SMAD2: variants seen among roughly 807,000 people sequenced by gnomAD.
The protein encoded by SMAD2 is SMAD family member 2.
Under a neutral mutation model 64.4 loss-of-function variants are expected in SMAD2, and 8 were observed. The observed-to-expected ratio is 0.12, with a 90% CI of 0.07 to 0.22. The LOEUF is 0.22. Ranked by LOEUF, SMAD2 falls within the 10% of genes least tolerant of loss-of-function variation. SMAD2 has a pLI of 1.00. For missense variants in SMAD2, 289 were observed against 561.2 expected (o/e 0.51, Z 4.90); for synonymous variants, 203 against 195.8 (o/e 1.04, Z -0.31).
Position 47,832,925 on chromosome 18 carries a change from C to A in SMAD2, c.*8902G>T, listed in dbSNP as rs1913062876. 6.3e-6 allele frequency: 1 copy of A among 159,014 alleles called. No individual in the cohort carries two copies. Among genetic ancestry groups the A allele is most frequent in the African/African-American group, 2.4e-5 (1 of 41,190 alleles). 9.9% of individuals were successfully genotyped at this position (159,014 alleles called of 1,614,324 possible). ...GATAGGATAATCTTTTATGTAACAC[C>A]AAATTAAAAAAACAAAAACATGTAC... On this transcript the variant is annotated 3_prime_UTR_variant, in exon 11 of 11. Transcript: ENST00000262160.
At position 47,834,823 on chromosome 18, in the gene SMAD2, CTTTT is replaced by C. The variant is rs1913260378; in HGVS notation, c.*7000_*7003del. On this transcript the variant is annotated 3_prime_UTR_variant, in exon 11 of 11. Coordinates refer to ENST00000262160, the MANE Select transcript of SMAD2 (RefSeq NM_005901.6). ...TTGCAATTAATCCAGTTTTGTATGT[CTTTT>C]CTTTCTTTTTTAGGTGAAAATATTC... 2 of 217,986 alleles carry C rather than the reference CTTTT, an allele frequency of 9.2e-6. No individual in the cohort carries two copies. Among genetic ancestry groups the C allele is most frequent in the South Asian group, 1.9e-4 (1 of 5,404 alleles). 13.5% of individuals were successfully genotyped at this position (217,986 alleles called of 1,614,324 possible).
At chr18:47,860,931 G>A (rs2031128176) in intron 6 of SMAD2, among the ~76,000 whole-genome samples, 1 of 152,158 alleles carries the variant, frequency 6.6e-6, no homozygotes, top group African/African-American at 2.4e-5. Context: ...CATACTTAAA[G>A]GGGGAATTGT....
intron 1 of SMAD2, among the ~76,000 whole-genome samples, chr18:47,899,598 T>C (rs550073860): frequency 7.3e-4 from 111 of 152,280 alleles, no homozygotes; most frequent in Non-Finnish European, 1.1e-3. Context: ...TGTCAATGCA[T>C]TGTGTTGCAC....
At chr18:47,842,668 A>G (rs1231481083) in intron 10 of SMAD2, among the ~76,000 whole-genome samples, 1 of 152,220 alleles carries the variant, frequency 6.6e-6, no homozygotes, top group East Asian at 1.9e-4. Flanking sequence ...AATATCAAAC[A>G]GAATCTAAGT....
intron 1 of SMAD2, among the ~76,000 whole-genome samples, chr18:47,903,115 G>A (rs1457521450): frequency 6.6e-6 from 1 of 152,094 alleles, no homozygotes; most frequent in Non-Finnish European, 1.5e-5. Flanking sequence ...GGGGATGGGG[G>A]GAGGGACAGG....
chr18:47,873,600 G>A (rs908190736), intron 2 of SMAD2, among the ~76,000 whole-genome samples: 26 of 152,114 alleles, frequency 1.7e-4, no homozygotes, highest in African/African-American at 6.3e-4. Context: ...AAAACAGAAT[G>A]GAGGTTCTAA....
chr18:47,881,953 C>T (rs1317661280), intron 2 of SMAD2, among the ~76,000 whole-genome samples: 3 of 150,944 alleles, frequency 2.0e-5, no homozygotes, highest in Non-Finnish European at 4.4e-5. Flanking sequence ...TCACTGCTCA[C>T]TGCAGGTTCA....
chr18:47,901,785 A>C (rs2033695639), intron 1 of SMAD2, among the ~76,000 whole-genome samples: 1 of 152,166 alleles, frequency 6.6e-6, no homozygotes, highest in Non-Finnish European at 1.5e-5. Context: ...AAAAGCTAGC[A>C]GATCGTTATC....
rs1913962665 is a variant in SMAD2, at chr18:47,841,634, T to C, written c.*193A>G. The C allele has an allele frequency of 3.2e-6, 2 of 630,264 alleles. No individual in the cohort carries two copies. The highest frequency in any genetic ancestry group is 1.8e-5 in the African/African-American group (1 of 54,806). The allele number at this position is 630,264 out of a possible 1,614,324, so 39.0% of individuals were successfully genotyped here. On this transcript the variant is annotated 3_prime_UTR_variant, in exon 11 of 11. Transcript: ENST00000262160. Reference sequence around the variant, plus strand: ...TTCCTCTTTAATGGGAGAGTATTTCTAGACACTAATTTTCCCATCTAATAT... The same window carrying C: ...TTCCTCTTTAATGGGAGAGTATTTCCAGACACTAATTTTCCCATCTAATAT...
Position 47,824,470 on chromosome 18 carries a change from T to C in SMAD2, c.*17357A>G, listed in dbSNP as rs1486073492. The C allele has an allele frequency of 6.6e-6, 1 of 152,238 alleles. No homozygotes were observed. The highest frequency in any genetic ancestry group is 1.5e-5 in the Non-Finnish European group (1 of 68,046). 9.4% of individuals were successfully genotyped at this position (152,238 alleles called of 1,614,324 possible). On this transcript the variant is annotated 3_prime_UTR_variant, in exon 11 of 11. Transcript: ENST00000262160. ...ACAATTATATAATCTTTATCTGTCC[T>C]TTAAAAACCTGTCTTCCTTTACCTT...
intron 2 of SMAD2, among the ~76,000 whole-genome samples, chr18:47,874,713 T>C (rs2032159013): frequency 1.3e-5 from 2 of 152,246 alleles, no homozygotes; most frequent in African/African-American, 4.8e-5. Context: ...TAAAAAGATC[T>C]GTAATTACTC....
intron 4 of SMAD2, 43 bp from the exon 5 acceptor site, chr18:47,868,500 G>A (rs779614246): frequency 6.4e-7 from 1 of 1,560,082 alleles, no homozygotes; most frequent in Non-Finnish European, 8.8e-7. Flanking sequence ...AAAGAGCAAA[G>A]GGGAGTGGGG....
chr18:47,913,387 C>T (rs979321909), intron 1 of SMAD2, among the ~76,000 whole-genome samples: 7 of 152,146 alleles, frequency 4.6e-5, no homozygotes, highest in African/African-American at 1.7e-4. Flanking sequence ...CCTGGTATTG[C>T]CACATGATTT....
intron 6 of SMAD2, among the ~76,000 whole-genome samples, chr18:47,861,177 G>C (rs902934701): frequency 7.2e-5 from 11 of 152,110 alleles, no homozygotes; most frequent in African/African-American, 1.4e-4. Context: ...CCAACGTGGA[G>C]AAACTCCGTC....
At chr18:47,928,379 T>C (rs756992897) in intron 1 of SMAD2, among the ~76,000 whole-genome samples, 1 of 152,210 alleles carries the variant, frequency 6.6e-6, no homozygotes, top group Non-Finnish European at 1.5e-5. Flanking sequence ...TCCATTGACA[T>C]ATATTCCCCC....
chr18:47,924,248 CAAAA>C (rs201933597), intron 1 of SMAD2, among the ~76,000 whole-genome samples: 5 of 99,748 alleles, frequency 5.0e-5, no homozygotes, highest in Admixed American at 1.1e-4. Flanking sequence ...AACTCCGTCT[CAAAA>C]AAAAAAAAAA....
At position 47,828,191 on chromosome 18, in the gene SMAD2, C is replaced by A; in HGVS notation, c.*13636G>T. ...ACCACCCCGTCCGGGAAGTAAGGAGCGTCTCCGCCCAGCAGCCGCCCCGTC... is the reference window on the plus strand; with the variant it reads ...ACCACCCCGTCCGGGAAGTAAGGAGAGTCTCCGCCCAGCAGCCGCCCCGTC... On this transcript the variant is annotated 3_prime_UTR_variant, in exon 11 of 11. Transcript: ENST00000262160. The A allele has an allele frequency of 6.5e-6, 1 of 154,110 alleles. No individual in the cohort carries two copies. The highest frequency in any genetic ancestry group is 1.4e-5 in the Non-Finnish European group (1 of 71,134). 9.5% of individuals were successfully genotyped at this position (154,110 alleles called of 1,614,324 possible).
At chr18:47,865,999 C>G (rs890783407) in intron 5 of SMAD2, among the ~76,000 whole-genome samples, 3 of 152,058 alleles carry the variant, frequency 2.0e-5, no homozygotes, top group African/African-American at 7.2e-5. Flanking sequence ...AACAAAGACA[C>G]ATATCCAAAC....
intron 5 of SMAD2, among the ~76,000 whole-genome samples, chr18:47,866,341 A>AG (rs2031557825): frequency 6.7e-6 from 1 of 149,594 alleles, no homozygotes; most frequent in African/African-American, 2.4e-5. Context: ...AAAAAAAAAA[A>AG]GAGGAAGAGA....
Sources: allele counts gnomAD v4.1 joint callset (sites outside exome capture counted in the v4.1 genomes callset), GRCh38; gene constraint gnomAD v4.1.1; transcripts MANE v1.5; gene names NCBI Gene and HGNC (gene_info 2026-07-23, HGNC 2026-07-21).